The following XRCC4 variants were observed in gnomAD, a reference collection of about 807,000 sequenced individuals.
The protein encoded by XRCC4 is DNA repair protein XRCC4.
Under a neutral mutation model 39.1 loss-of-function variants are expected in XRCC4, and 28 were observed. That is an observed-to-expected ratio of 0.72 (90% CI 0.53 to 0.98). The LOEUF (loss-of-function observed/expected upper bound fraction) is 0.98. Ranked by LOEUF, XRCC4 falls within the 50% of genes least tolerant of loss-of-function variation. XRCC4 has a pLI of 0.00. For synonymous variants in XRCC4, 123 were observed against 126.4 expected (o/e 0.97, Z 0.18); for missense variants, 350 against 376.4 (o/e 0.93, Z 0.58).
chr5:83,199,452 C>A (rs1751087464), intron 4 of XRCC4, among the ~76,000 whole-genome samples: 1 of 152,164 alleles, frequency 6.6e-6, no homozygotes, highest in Non-Finnish European at 1.5e-5. Context: ...CTTCCCAACT[C>A]TATTCAGACT....
At chr5:83,327,718 G>A (rs1336706204) in intron 7 of XRCC4, among the ~76,000 whole-genome samples, 1 of 151,978 alleles carries the variant, frequency 6.6e-6, no homozygotes, top group Non-Finnish European at 1.5e-5. Flanking sequence ...ATGATTAAAG[G>A]AGTAAAACCT....
intron 3 of XRCC4, among the ~76,000 whole-genome samples, chr5:83,112,433 T>A (rs568520516): frequency 6.6e-6 from 1 of 152,346 alleles, no homozygotes; most frequent in Admixed American, 6.5e-5. Flanking sequence ...TGTGCAGCGA[T>A]TTTCTAGTTT....
intron 7 of XRCC4, among the ~76,000 whole-genome samples, chr5:83,298,613 A>G (rs1472769698): frequency 1.3e-5 from 2 of 151,348 alleles, no homozygotes; most frequent in African/African-American, 2.4e-5. Context: ...ATGTGTCCTT[A>G]CATTTTAGAA....
intron 3 of XRCC4, among the ~76,000 whole-genome samples, chr5:83,120,671 T>C (rs183288880): frequency 1.3e-5 from 2 of 152,320 alleles, no homozygotes; most frequent in East Asian, 3.9e-4. Context: ...ATATACCACT[T>C]TTACTTTTTG....
chr5:83,144,898 A>C (rs1376458860), intron 3 of XRCC4, among the ~76,000 whole-genome samples: 3 of 151,746 alleles, frequency 2.0e-5, no homozygotes, highest in Non-Finnish European at 4.4e-5. Flanking sequence ...ATGATCATAA[A>C]TTATTATTAT....
intron 3 of XRCC4, among the ~76,000 whole-genome samples, chr5:83,155,948 A>C (rs1045151536): frequency 1.3e-5 from 2 of 152,126 alleles, no homozygotes; most frequent in Admixed American, 6.5e-5. Flanking sequence ...TTGATTTGTC[A>C]TATAAATATT....
intron 3 of XRCC4, among the ~76,000 whole-genome samples, chr5:83,156,399 T>C (rs757146596): frequency 1.3e-5 from 2 of 151,788 alleles, no homozygotes; most frequent in Non-Finnish European, 2.9e-5. Context: ...AAGATATGGA[T>C]ATAATGAGTT....
intron 3 of XRCC4, among the ~76,000 whole-genome samples, chr5:83,144,001 T>C (rs1488480725): frequency 1.3e-5 from 2 of 152,098 alleles, no homozygotes; most frequent in Non-Finnish European, 2.9e-5. Context: ...ATGTACCAGT[T>C]CCCTAATTAG....
At chr5:83,173,491 G>A (rs1749820727) in intron 3 of XRCC4, among the ~76,000 whole-genome samples, 1 of 152,160 alleles carries the variant, frequency 6.6e-6, no homozygotes, top group Non-Finnish European at 1.5e-5. Context: ...TGAGGGAACT[G>A]TTCCAGATAT....
intron 7 of XRCC4, among the ~76,000 whole-genome samples, chr5:83,295,286 T>C (rs1755054723): frequency 6.6e-6 from 1 of 151,320 alleles, no homozygotes; most frequent in Non-Finnish European, 1.5e-5. Context: ...TAAGTGTTTC[T>C]AAGTGAGAAA....
In XRCC4 at chr5:83,353,469, A is replaced by C. The variant is rs1757146620; in HGVS notation, c.*227A>C. Reference sequence around the variant, plus strand: ...TCTAAACTATTCATTCAGCATGCCTATAATTACATAAATTGTATGAGACTT... The same window carrying C: ...TCTAAACTATTCATTCAGCATGCCTCTAATTACATAAATTGTATGAGACTT... On this transcript the variant is annotated 3_prime_UTR_variant, in exon 8 of 8. Coordinates refer to ENST00000396027, the MANE Select transcript of XRCC4 (RefSeq NM_003401.5). The C allele has an allele frequency of 6.1e-6, 2 of 329,326 alleles. No individual in the cohort carries two copies. Among genetic ancestry groups the C allele is most frequent in the Non-Finnish European group, 1.1e-5 (2 of 181,994 alleles). 20.4% of individuals were successfully genotyped at this position (329,326 alleles called of 1,614,324 possible). A position where few individuals can be genotyped will look rare whatever the true frequency, so the allele number is the denominator to read the frequency against.
At chr5:83,113,602 T>C (rs1159185700) in intron 3 of XRCC4, among the ~76,000 whole-genome samples, 1 of 151,728 alleles carries the variant, frequency 6.6e-6, no homozygotes, top group African/African-American at 2.4e-5. Context: ...AACTTCTGCC[T>C]GGACATCCAA....
At chr5:83,118,174 C>A (rs1269417231) in intron 3 of XRCC4, among the ~76,000 whole-genome samples, 1 of 151,948 alleles carries the variant, frequency 6.6e-6, no homozygotes, top group Non-Finnish European at 1.5e-5. Context: ...CCTCATTTCC[C>A]CTACTACTTA....
chr5:83,213,538 T>C (rs1235912776), intron 6 of XRCC4, among the ~76,000 whole-genome samples: 1 of 152,080 alleles, frequency 6.6e-6, no homozygotes, highest in Non-Finnish European at 1.5e-5. Flanking sequence ...TAATATGAAA[T>C]AGATTATTAA....
intron 6 of XRCC4, among the ~76,000 whole-genome samples, chr5:83,221,195 T>C (rs942001612): frequency 6.6e-6 from 1 of 152,212 alleles, no homozygotes; most frequent in African/African-American, 2.4e-5. Flanking sequence ...TTTGAATTAC[T>C]GTTATTTTTT....
chr5:83,361,392 T>C, the XRCC4 span, among the ~76,000 whole-genome samples: 1 of 152,214 alleles, frequency 6.6e-6, no homozygotes, highest in Non-Finnish European at 1.5e-5. Context: ...TGTGAATTCC[T>C]GCTTCTACAG....
chr5:83,087,942 T>C (rs138503240), intron 1 of XRCC4, among the ~76,000 whole-genome samples: 441 of 152,298 alleles, frequency 2.9e-3, no homozygotes, highest in Non-Finnish European at 4.7e-3. Context: ...GCAGGCAGAA[T>C]TGAATTTAAT....
At chr5:83,102,231 G>C (rs1253374994) in intron 1 of XRCC4, among the ~76,000 whole-genome samples, 1 of 152,104 alleles carries the variant, frequency 6.6e-6, no homozygotes, top group Non-Finnish European at 1.5e-5. Flanking sequence ...GAGATTAACT[G>C]TAGAGAATTT....
intron 3 of XRCC4, among the ~76,000 whole-genome samples, chr5:83,185,879 T>C (rs1289065845): frequency 6.6e-6 from 1 of 152,180 alleles, no homozygotes; most frequent in African/African-American, 2.4e-5. Flanking sequence ...CTTTCTTTGA[T>C]AGGCAAAGAC....
Sources: allele counts gnomAD v4.1 joint callset (sites outside exome capture counted in the v4.1 genomes callset), GRCh38; gene constraint gnomAD v4.1.1; transcripts MANE v1.5; gene names NCBI Gene and HGNC (gene_info 2026-07-23, HGNC 2026-07-21).